The following GAPVD1 variants were observed in gnomAD, a reference collection of about 807,000 sequenced individuals.
The protein encoded by GAPVD1 is GTPase activating protein and VPS9 domains 1.
Under a neutral mutation model 155.5 loss-of-function variants are expected in GAPVD1, and 35 were observed. That is an observed-to-expected ratio of 0.23 (90% CI 0.17 to 0.30). The LOEUF (loss-of-function observed/expected upper bound fraction) is 0.30. Ranked by LOEUF, GAPVD1 falls within the 10% of genes least tolerant of loss-of-function variation. GAPVD1 has a pLI of 1.00. For synonymous variants in GAPVD1, 636 were observed against 619.7 expected, an observed-to-expected ratio of 1.03 and a Z score of -0.39; for missense variants, 1,429 against 1,775.7, an observed-to-expected ratio of 0.80 and a Z score of 3.51.
At chr9:125,277,772 C>G (rs1318401207) in intron 2 of GAPVD1, among the ~76,000 whole-genome samples, 1 of 151,410 alleles carries the variant, frequency 6.6e-6, no homozygotes, top group Admixed American at 6.6e-5. Context: ...CAGGCTCAAG[C>G]AGTCCTCCTA....
At chr9:125,285,820 A>AT (rs1837601468) in intron 2 of GAPVD1, among the ~76,000 whole-genome samples, 1 of 151,208 alleles carries the variant, frequency 6.6e-6, no homozygotes, top group African/African-American at 2.4e-5. Context: ...TATTTTATTT[A>AT]TTTTTTGAGA....
intron 9 of GAPVD1, 48 bp from the exon 10 acceptor site, chr9:125,321,385 T>C: frequency 7.1e-7 from 1 of 1,417,322 alleles, no homozygotes; most frequent in Non-Finnish European, 9.9e-7. Context: ...TGTTTCCTTA[T>C]CAGTAATCTT....
chr9:125,264,392 A>G (rs899518800), intron 1 of GAPVD1, among the ~76,000 whole-genome samples: 2 of 152,086 alleles, frequency 1.3e-5, no homozygotes, highest in Admixed American at 6.6e-5. Flanking sequence ...GCAAGGTTTC[A>G]CCATGTTGGT....
At chr9:125,320,532 G>A (rs1329884113) in intron 9 of GAPVD1, among the ~76,000 whole-genome samples, 2 of 151,914 alleles carry the variant, frequency 1.3e-5, no homozygotes, top group African/African-American at 2.4e-5. Context: ...ATGATTACAC[G>A]TTTTCTTCTA....
At chr9:125,351,376 G>T (rs1849273034) in intron 23 of GAPVD1, among the ~76,000 whole-genome samples, 1 of 152,166 alleles carries the variant, frequency 6.6e-6, no homozygotes, top group South Asian at 2.1e-4. Context: ...CCCAACTCAT[G>T]TTCTCACATT....
At chr9:125,294,213 A>C (rs1001693196) in intron 2 of GAPVD1, among the ~76,000 whole-genome samples, 2 of 150,128 alleles carry the variant, frequency 1.3e-5, no homozygotes, top group Non-Finnish European at 3.0e-5. Flanking sequence ...GCCAATTTTT[A>C]TATTTTTAGT....
chr9:125,344,868 T>C (rs1848296757), intron 19 of GAPVD1, among the ~76,000 whole-genome samples: 1 of 151,892 alleles, frequency 6.6e-6, no homozygotes, highest in Non-Finnish European at 1.5e-5. Flanking sequence ...GATTCTGTAA[T>C]GATAAATGCT....
At position 125,359,397 on chromosome 9, in the gene GAPVD1, T is replaced by A. The variant is rs748155584; in HGVS notation, c.3972-23T>A. On this transcript the variant is annotated intron_variant, in intron 25 of 27. Transcript: ENST00000297933. The stretch of plus-strand genomic sequence containing the variant: ...ATATTTTCTGAAATGAATGTTTACA[T>A]GTGTATTTTGGGGGGTTTTCAGGGT... The A allele has an allele frequency of 2.2e-6, 3 of 1,347,708 alleles. No homozygotes were observed. In the East Asian group the frequency reaches 6.9e-5, roughly 31 times the overall value. 83.5% of individuals were successfully genotyped at this position (1,347,708 alleles called of 1,614,324 possible).
intron 1 of GAPVD1, among the ~76,000 whole-genome samples, chr9:125,264,967 C>T (rs1203353164): frequency 1.3e-5 from 2 of 152,130 alleles, no homozygotes; most frequent in African/African-American, 4.8e-5. Flanking sequence ...GATCTGCCCG[C>T]CTTGGCCCCC....
chr9:125,328,781 G>A (rs2131707426), intron 12 of GAPVD1, among the ~76,000 whole-genome samples: 1 of 152,004 alleles, frequency 6.6e-6, no homozygotes, highest in East Asian at 1.9e-4. Context: ...GGGCGGCCGG[G>A]CAGAGGCGCC....
chr9:125,300,041 ATATATATATATATAT>A (rs1564330633), intron 4 of GAPVD1, among the ~76,000 whole-genome samples: 395 of 13,552 alleles, frequency 0.029, 105 homozygotes, highest in Non-Finnish European at 0.038. Context: ...AAAAAAAAAT[ATATATATATATATAT>A]ATATATATAT....
chr9:125,263,452 A>C, intron 1 of GAPVD1: 1 of 581,010 alleles, frequency 1.7e-6, no homozygotes, highest in Non-Finnish European at 3.1e-6. Flanking sequence ...CGTCTCAAAA[A>C]ACAAAACAAA....
chr9:125,275,054 T>C (rs1835546300), intron 2 of GAPVD1, among the ~76,000 whole-genome samples: 1 of 152,148 alleles, frequency 6.6e-6, no homozygotes, highest in African/African-American at 2.4e-5. Flanking sequence ...TGTTGCTGTT[T>C]TTCGTTTTAA....
chr9:125,320,885 C>T (rs906375529), intron 9 of GAPVD1, among the ~76,000 whole-genome samples: 1 of 152,192 alleles, frequency 6.6e-6, no homozygotes, highest in Non-Finnish European at 1.5e-5. Context: ...CCTGGCCTCC[C>T]AAAGTGCTGA....
At chr9:125,300,830 C>T (rs994005805) in intron 4 of GAPVD1, among the ~76,000 whole-genome samples, 23 of 151,508 alleles carry the variant, frequency 1.5e-4, no homozygotes, top group Non-Finnish European at 3.1e-4. Context: ...AAGAACAGTG[C>T]TGTTGTGGGC....
intron 17 of GAPVD1, among the ~76,000 whole-genome samples, chr9:125,339,729 T>A (rs1362556839): frequency 1.3e-5 from 2 of 152,202 alleles, no homozygotes; most frequent in Non-Finnish European, 2.9e-5. Context: ...CAGAGTTTGT[T>A]TCGTCTTTCT....
intron 22 of GAPVD1, 99 bp from the exon 23 acceptor site, chr9:125,350,614 T>TA (rs1849159851): frequency 4.0e-6 from 3 of 749,682 alleles, no homozygotes; most frequent in Non-Finnish European, 6.7e-6. Flanking sequence ...GTTCTAATGA[T>TA]ACGTGACAAA....
chr9:125,330,859 C>G (rs953497918), intron 13 of GAPVD1, among the ~76,000 whole-genome samples: 3 of 152,130 alleles, frequency 2.0e-5, no homozygotes, highest in Admixed American at 2.0e-4. Context: ...AGAGTAGCAA[C>G]ACAGTTCAAA....
chr9:125,360,707 G>GGTGTTT lies in GAPVD1; in HGVS notation c.4230_4235dup (p.Phe1410_Val1411dup). Reference sequence around the variant, plus strand: ...GAGCGGATGACTTTGTTCCTGTGTTGGTGTTTGTGTTGATAAAGGTGGGCC... The same window carrying GGTGTTT: ...GAGCGGATGACTTTGTTCCTGTGTTGGTGTTTGTGTTTGTGTTGATAAAGGTGGGCC... On this transcript the variant is annotated inframe_insertion, in exon 27 of 28. Transcript: ENST00000297933. The GGTGTTT allele has an allele frequency of 6.2e-7, 1 of 1,613,752 alleles. No individual in the cohort carries two copies. Among genetic ancestry groups the GGTGTTT allele is most frequent in the Non-Finnish European group, 8.5e-7 (1 of 1,179,778 alleles).
Sources: allele counts gnomAD v4.1 joint callset (sites outside exome capture counted in the v4.1 genomes callset), GRCh38; gene constraint gnomAD v4.1.1; transcripts MANE v1.5; gene names NCBI Gene and HGNC (gene_info 2026-07-23, HGNC 2026-07-21).